The following PCDHA5 variants were observed in gnomAD, a reference collection of about 807,000 sequenced individuals.
PCDHA5 encodes protocadherin alpha-5.
In PCDHA5, 43 loss-of-function variants were observed where a neutral mutation model predicts 61.6. The ratio of observed to expected loss-of-function variants is 0.70; its 90% confidence interval spans 0.55 to 0.90. PCDHA5 has a LOEUF of 0.90. Among genes scored for constraint, PCDHA5 ranks in the 40% least tolerant of loss-of-function variants. The pLI, the probability that PCDHA5 is intolerant of heterozygous loss-of-function variation, is 0.00. For missense variants in PCDHA5, 1,298 were observed against 1,222.7 expected, an observed-to-expected ratio of 1.06 and a Z score of -0.92; for synonymous variants, 627 against 543.9, an observed-to-expected ratio of 1.15 and a Z score of -2.13.
intron 1 of PCDHA5, among the ~76,000 whole-genome samples, chr5:140,900,093 C>T (rs559553399): frequency 1.6e-4 from 24 of 152,202 alleles, no homozygotes; most frequent in Middle Eastern, 3.4e-3. Flanking sequence ...TACAAGCATG[C>T]GCCACCATAC....
chr5:140,856,138 C>T (rs1463600919), intron 1 of PCDHA5: 4 of 1,598,158 alleles, frequency 2.5e-6, no homozygotes, highest in East Asian at 4.5e-5. Flanking sequence ...GCGGCCAGCT[C>T]CACTACTCAG....
intron 1 of PCDHA5, chr5:140,828,492 C>T (rs139629080): frequency 6.2e-6 from 10 of 1,614,162 alleles, no homozygotes; most frequent in Non-Finnish European, 8.5e-6. Flanking sequence ...CCCTTGTTCC[C>T]GGTAGAGGAA....
At chr5:140,826,874 A>G (rs1217835279) in intron 1 of PCDHA5, among the ~76,000 whole-genome samples, 1 of 152,186 alleles carries the variant, frequency 6.6e-6, no homozygotes, top group Non-Finnish European at 1.5e-5. Flanking sequence ...GTAAAATTCA[A>G]TGAAAGCTGT....
intron 1 of PCDHA5, chr5:140,857,428 G>C (rs782142394): frequency 1.9e-6 from 3 of 1,598,342 alleles, no homozygotes; most frequent in East Asian, 2.2e-5. Context: ...CCGAGTACAC[G>C]GTGTTCGTGA....
At position 140,843,021 on chromosome 5, in the gene PCDHA5, A is replaced by C. The variant is rs2150350261; in HGVS notation, c.2352+18894A>C. 58 of 1,595,034 alleles carry C rather than the reference A, an allele frequency of 3.6e-5. 4 individuals are homozygous for C. The East Asian group carries it at 5.1e-4, about 14-fold the overall frequency. On this transcript the variant is annotated intron_variant, in intron 1 of 3. Coordinates refer to ENST00000529859, the MANE Select transcript of PCDHA5 (RefSeq NM_018908.3). Reference sequence around the variant, plus strand: ...AATGACAACGCGCCGGCACTGCTGGAGCCTCGGGTGGGTGGCACTGGTGGC... The same window carrying C: ...AATGACAACGCGCCGGCACTGCTGGCGCCTCGGGTGGGTGGCACTGGTGGC...
At chr5:140,887,442 T>C (rs2061450115) in intron 1 of PCDHA5, among the ~76,000 whole-genome samples, 1 of 152,180 alleles carries the variant, frequency 6.6e-6, no homozygotes, top group Non-Finnish European at 1.5e-5. Context: ...CTGGGCATAG[T>C]TGACAGTTTT....
intron 1 of PCDHA5, chr5:140,929,129 C>A (rs1206531954): frequency 6.2e-7 from 1 of 1,614,052 alleles, no homozygotes; most frequent in East Asian, 2.2e-5. Context: ...GATGTCACTA[C>A]AGTTGAGAGA....
Position 140,822,453 on chromosome 5 carries a change from G to A in PCDHA5, c.678G>A (p.Gln226=). The A allele has an allele frequency of 6.2e-7, 1 of 1,613,866 alleles. No homozygotes were observed. Among genetic ancestry groups the A allele is most frequent in the South Asian group, 1.1e-5 (1 of 91,082 alleles). Residue 226 remains glutamine (Q), a synonymous_variant, in exon 1 of 4, where the codon CAG becomes CAA. Coordinates refer to ENST00000529859, the MANE Select transcript of PCDHA5 (RefSeq NM_018908.3). Reference sequence around the variant, plus strand: ...AACCCGAACTAACAGGTACAGTTCAGTTGTTGATCAATGTATTGGATGCTA... The same window carrying A: ...AACCCGAACTAACAGGTACAGTTCAATTGTTGATCAATGTATTGGATGCTA... ...GGKPELTGTV[Q]LLINVLDAND...
chr5:140,918,403 C>G (rs192008600), intron 1 of PCDHA5, among the ~76,000 whole-genome samples: 1 of 152,278 alleles, frequency 6.6e-6, no homozygotes, highest in African/African-American at 2.4e-5. Flanking sequence ...CCTGATTTCT[C>G]TGGCCAGGAC....
chr5:140,877,338 C>G (rs1554169617), intron 1 of PCDHA5: 2 of 1,614,012 alleles, frequency 1.2e-6, no homozygotes, highest in South Asian at 2.2e-5. Flanking sequence ...ACATCCCGTT[C>G]CACGTGGGGC....
intron 1 of PCDHA5, among the ~76,000 whole-genome samples, chr5:140,975,626 G>A (rs1234889198): frequency 6.6e-6 from 1 of 152,156 alleles, no homozygotes; most frequent in African/African-American, 2.4e-5. Flanking sequence ...GATTTCCATG[G>A]TACGAAGATA....
intron 1 of PCDHA5, chr5:140,877,194 A>G (rs1350324855): frequency 1.2e-6 from 2 of 1,613,646 alleles, no homozygotes; most frequent in Non-Finnish European, 1.7e-6. Context: ...GCAGCGCAGG[A>G]GGCGCAGTTA....
intron 3 of PCDHA5, among the ~76,000 whole-genome samples, chr5:140,991,053 A>G (rs2097429648): frequency 6.6e-6 from 1 of 152,220 alleles, no homozygotes; most frequent in Non-Finnish European, 1.5e-5. Context: ...TGAGAGAAGT[A>G]CATTATTATT....
chr5:140,971,509 A>C (rs1369392741), intron 1 of PCDHA5, among the ~76,000 whole-genome samples: 4 of 152,112 alleles, frequency 2.6e-5, no homozygotes, highest in Admixed American at 2.0e-4. Flanking sequence ...ATAGGAGCAA[A>C]AGCCACTCAG....
chr5:140,842,853 A>C lies in PCDHA5; in HGVS notation c.2352+18726A>C. On this transcript the variant is annotated intron_variant, in intron 1 of 3. Transcript: ENST00000529859. ...TCGCTGTCGAGCTACATTTCGGTGC[A>C]CACGGAGAGCGGCAAGGTGTACGCG... is the stretch of plus-strand genomic sequence containing the variant. 6.3e-7 allele frequency: 1 copy of C among 1,593,882 alleles called. No individual in the cohort carries two copies. Among genetic ancestry groups the C allele is most frequent in the Middle Eastern group, 2.1e-4 (1 of 4,734 alleles).
chr5:141,000,972 CT>C (rs2097980392), intron 3 of PCDHA5, among the ~76,000 whole-genome samples: 1 of 151,780 alleles, frequency 6.6e-6, no homozygotes, highest in Non-Finnish European at 1.5e-5. Context: ...CTTCATATTC[CT>C]TTTTTATAAA....
intron 1 of PCDHA5, among the ~76,000 whole-genome samples, chr5:140,915,190 G>T (rs1317793585): frequency 1.3e-5 from 2 of 151,978 alleles, no homozygotes; most frequent in African/African-American, 4.8e-5. Flanking sequence ...CTAGTGATCC[G>T]CCCATCTTGG....
At chr5:140,893,182 AT>A (rs782024176) in intron 1 of PCDHA5, among the ~76,000 whole-genome samples, 5 of 152,238 alleles carry the variant, frequency 3.3e-5, no homozygotes, top group Non-Finnish European at 5.9e-5. Context: ...CATAGTAGCT[AT>A]TGTGAATAGT....
intron 1 of PCDHA5, chr5:140,882,906 C>G: frequency 6.2e-7 from 1 of 1,614,200 alleles, no homozygotes; most frequent in Non-Finnish European, 8.5e-7. Context: ...TTATTACTGA[C>G]AGCCAGTGAT....
Sources: gnomAD v4.1 joint callset for allele counts (sites outside exome capture counted in the v4.1 genomes callset) on GRCh38, gnomAD v4.1.1 for gene constraint, MANE v1.5 for transcripts, NCBI Gene and HGNC (gene_info 2026-07-23, HGNC 2026-07-21) for gene names.